The following CCNJL variants were observed in gnomAD, a reference collection of about 807,000 sequenced individuals.
The protein encoded by CCNJL is cyclin J like, also known as cyclin-J-like protein.
CCNJL carries 33 observed loss-of-function variants against 33.4 expected under a neutral mutation model. The observed-to-expected ratio is 0.99, with a 90% confidence interval of 0.75 to 1.32. The LOEUF (loss-of-function observed/expected upper bound fraction) is 1.32, where lower values mean the gene tolerates loss of function less well. Ranked by LOEUF, CCNJL falls within the 40% of genes most tolerant of loss-of-function variation. The pLI is 0.00. For synonymous variants in CCNJL, 227 were observed against 220.9 expected (o/e 1.03, Z -0.24); for missense variants, 512 against 499.7 (o/e 1.02, Z -0.23).
chr5:160,335,302 T>A (rs1249346297), intron 1 of CCNJL, among the ~76,000 whole-genome samples: 1 of 152,182 alleles, frequency 6.6e-6, no homozygotes, highest in African/African-American at 2.4e-5. Context: ...TTATATATAA[T>A]GTAGACTATA....
At chr5:160,303,214 A>AT (rs1320778652) in intron 2 of CCNJL, among the ~76,000 whole-genome samples, 2 of 151,938 alleles carry the variant, frequency 1.3e-5, no homozygotes, top group Admixed American at 1.3e-4. Context: ...TCATTTATTT[A>AT]TTTTTTTTGA....
intron 2 of CCNJL, among the ~76,000 whole-genome samples, chr5:160,291,769 G>C (rs1423814020): frequency 6.6e-6 from 1 of 152,216 alleles, no homozygotes; most frequent in African/African-American, 2.4e-5. Context: ...CATGGCCATG[G>C]CATCAGGAGC....
intron 1 of CCNJL, among the ~76,000 whole-genome samples, chr5:160,319,525 C>G (rs1011467971): frequency 6.6e-6 from 1 of 152,184 alleles, no homozygotes; most frequent in African/African-American, 2.4e-5. Flanking sequence ...CTATCTACCC[C>G]ACACACTTCA....
intron 2 of CCNJL, among the ~76,000 whole-genome samples, chr5:160,285,930 CCT>C (rs1762392229): frequency 6.6e-6 from 1 of 152,224 alleles, no homozygotes; most frequent in Non-Finnish European, 1.5e-5. Flanking sequence ...GGCGGCAGCT[CCT>C]CTCAACAGTG....
intron 3 of CCNJL, among the ~76,000 whole-genome samples, chr5:160,262,494 C>T (rs940750587): frequency 1.3e-5 from 2 of 152,186 alleles, no homozygotes; most frequent in African/African-American, 4.8e-5. Flanking sequence ...GCACTAAACT[C>T]GACAGGCTGC....
intron 2 of CCNJL, among the ~76,000 whole-genome samples, chr5:160,306,715 G>A (rs1010185003): frequency 8.5e-5 from 13 of 152,152 alleles, no homozygotes; most frequent in Non-Finnish European, 1.6e-4. Flanking sequence ...GTGTAAAATG[G>A]GCATAAATCA....
At chr5:160,320,706 A>T (rs978615119) in intron 1 of CCNJL, among the ~76,000 whole-genome samples, 5 of 152,176 alleles carry the variant, frequency 3.3e-5, no homozygotes, top group African/African-American at 1.2e-4. Context: ...CTTCAAAAGA[A>T]AGAGGAAATT....
intron 2 of CCNJL, among the ~76,000 whole-genome samples, chr5:160,286,826 A>G (rs1484076270): frequency 1.3e-5 from 2 of 151,764 alleles, no homozygotes; most frequent in East Asian, 1.9e-4. Context: ...TCCCTCAAAT[A>G]CTGACTTAAA....
intron 2 of CCNJL, chr5:160,294,666 C>T (rs1762695799): frequency 6.6e-6 from 1 of 152,492 alleles, no homozygotes; most frequent in Non-Finnish European, 1.5e-5. Flanking sequence ...TTAAAAGACG[C>T]CACACCCTCC....
chr5:160,251,202 G>A lies in CCNJL; in HGVS notation c.*2176C>T, dbSNP rs1245111684. 2.6e-5 allele frequency: 4 copies of A among 152,234 alleles called. No homozygotes were observed. In the South Asian group the frequency reaches 8.3e-4, roughly 31 times the overall value. 9.4% of individuals were successfully genotyped at this position (152,234 alleles called of 1,614,324 possible). ...AGAGCAAAGATTGAGGTTTCCTGGA[G>A]AATAAATTTTGCCTCACGACTGCTA... On this transcript the variant is annotated 3_prime_UTR_variant, in exon 6 of 6. Coordinates refer to ENST00000257536, the MANE Select transcript of CCNJL (RefSeq NM_001308173.3).
intron 3 of CCNJL, chr5:160,269,311 C>T (rs1349913093): frequency 3.0e-5 from 13 of 426,256 alleles, no homozygotes; most frequent in African/African-American, 8.1e-5. Flanking sequence ...GCAGGGCCTG[C>T]GGGGTGGGGG....
At chr5:160,317,576 T>C (rs1763393888), upstream of CCNJL, among the ~76,000 whole-genome samples, 1 of 152,128 alleles carries the variant, frequency 6.6e-6, no homozygotes, top group East Asian at 1.9e-4. Context: ...CTGCGATGCA[T>C]GGAGTTTGGT....
At chr5:160,324,952 A>G (rs1763517047) in intron 1 of CCNJL, among the ~76,000 whole-genome samples, 1 of 152,160 alleles carries the variant, frequency 6.6e-6, no homozygotes, top group Non-Finnish European at 1.5e-5. Flanking sequence ...CTCCCTTTGC[A>G]AGGGTATATG....
At chr5:160,312,084 C>T (rs368557172) in intron 1 of CCNJL, 112 bp from the exon 2 acceptor site, 55 of 680,794 alleles carry the variant, frequency 8.1e-5, no homozygotes, top group South Asian at 5.4e-4. Flanking sequence ...CCCCCTCCTG[C>T]GCCGCTCAGA....
At chr5:160,306,434 C>T (rs895569209) in intron 2 of CCNJL, among the ~76,000 whole-genome samples, 2 of 152,138 alleles carry the variant, frequency 1.3e-5, no homozygotes, top group South Asian at 4.1e-4. Flanking sequence ...TCACATGACT[C>T]CCGTCTTGGG....
chr5:160,305,973 C>T (rs1006859415), intron 2 of CCNJL, among the ~76,000 whole-genome samples: 2 of 152,108 alleles, frequency 1.3e-5, no homozygotes, highest in African/African-American at 4.8e-5. Context: ...TTTTATCTGT[C>T]CACTGGTTTA....
intron 5 of CCNJL, 199 bp from the exon 6 acceptor site, chr5:160,253,997 G>C (rs1017630011): frequency 2.1e-6 from 1 of 485,318 alleles, no homozygotes; most frequent in African/African-American, 2.0e-5. Flanking sequence ...TCTCAGCTTG[G>C]ATCTGCTTCC....
chr5:160,291,999 T>C (rs1185322070), intron 2 of CCNJL, among the ~76,000 whole-genome samples: 2 of 152,228 alleles, frequency 1.3e-5, no homozygotes, highest in Non-Finnish European at 2.9e-5. Flanking sequence ...TGATCACTAT[T>C]GGGATCATAC....
chr5:160,305,077 G>A (rs1231894021), intron 2 of CCNJL, among the ~76,000 whole-genome samples: 2 of 152,192 alleles, frequency 1.3e-5, no homozygotes, highest in Admixed American at 1.3e-4. Context: ...GCCTCCCAAA[G>A]TGCTGGGATT....
Sources: gnomAD v4.1 joint callset for allele counts (sites outside exome capture counted in the v4.1 genomes callset) on GRCh38, gnomAD v4.1.1 for gene constraint, MANE v1.5 for transcripts, NCBI Gene and HGNC (gene_info 2026-07-23, HGNC 2026-07-21) for gene names.